Variants in GADD45B observed in about 807,000 individuals in gnomAD.
The protein encoded by GADD45B is growth arrest and DNA damage-inducible protein GADD45 beta.
A neutral mutation model predicts 15.2 loss-of-function variants in GADD45B; 8 were observed. The observed-to-expected ratio is 0.53, with a 90% CI of 0.31 to 0.95. The LOEUF is 0.95. Ranked by LOEUF, GADD45B falls within the 40% of genes least tolerant of loss-of-function variation. GADD45B has a pLI of 0.05. For synonymous variants in GADD45B, 100 were observed against 89.8 expected (o/e 1.11, Z -0.64); for missense variants, 162 against 216.6 (o/e 0.75, Z 1.58).
At chr19:2,476,437 C>CGGGGA in intron 1 of GADD45B, 35 bp downstream of exon 1, 1 of 1,609,958 alleles carries the variant, frequency 6.2e-7, no homozygotes. Context: ...CTGAGGTCAG[C>CGGGGA]CGGGACGGGA....
intron 2 of GADD45B, 173 bp from the exon 3 acceptor site, chr19:2,476,856 C>T: frequency 1.6e-6 from 1 of 615,970 alleles, no homozygotes; most frequent in Non-Finnish European, 2.9e-6. Flanking sequence ...CTACCCCATA[C>T]TTTGAACCGT....
In GADD45B at chr19:2,477,054, C is replaced by G. The variant is rs777718482; in HGVS notation, c.172C>G (p.Leu58Val). The G allele has an allele frequency of 6.2e-7, 1 of 1,613,822 alleles. No homozygotes were observed. Among genetic ancestry groups the G allele is most frequent in the South Asian group, 1.1e-5 (1 of 91,082 alleles). Residue 58 changes from leucine (L) to valine (V), a missense_variant, in exon 3 of 4, where the codon CTC becomes GTC. Coordinates refer to ENST00000215631, the MANE Select transcript of GADD45B (RefSeq NM_015675.4). The surrounding 1 kb of genome is among the most constrained non-coding windows in gnomAD (Gnocchi z 4.2). The stretch of plus-strand genomic sequence containing the variant: ...GGACCCAGACAGCGTGGTCCTCTGC[C>G]TCTTGGCCATTGACGAGGAGGAGGA... ...NVDPDSVVLC[L>V]LAIDEEEEDD...
At position 2,477,185 on chromosome 19, in the gene GADD45B, C is replaced by A. The variant is rs1972329229; in HGVS notation, c.303C>A (p.Leu101=). The change falls in exon 3 of 4, where the codon CTC becomes CTA. Residue 101 remains leucine (L), a synonymous_variant. Coordinates refer to ENST00000215631, the MANE Select transcript of GADD45B (RefSeq NM_015675.4). The surrounding 1 kb of genome is among the most constrained non-coding windows in gnomAD (Gnocchi z 4.2). The stretch of plus-strand genomic sequence containing the variant: ...CGGGCATGCAGCGCCTGGCGCAGCT[C>A]CTGGGAGAGCCGGCCGAGACCCAGG... ...RVSGMQRLAQ[L]LGEPAETQGT... 2 of 1,611,420 alleles carry A rather than the reference C, an allele frequency of 1.2e-6. No individual in the cohort carries two copies. The highest frequency in any genetic ancestry group is 2.7e-5 in the African/African-American group (2 of 74,930).
chr19:2,476,881 C>T, intron 2 of GADD45B, 148 bp from the exon 3 acceptor site: 1 of 627,836 alleles, frequency 1.6e-6, no homozygotes, highest in South Asian at 1.9e-5. Context: ...CCTCCCCTCC[C>T]CCCACCGTCA....
rs752712882 is a variant in GADD45B, at chr19:2,476,329, G to A, written c.-30G>A. 1.2e-6 allele frequency: 2 copies of A among 1,612,216 alleles called. No individual in the cohort carries two copies. Among genetic ancestry groups the A allele is most frequent in the Non-Finnish European group, 1.7e-6 (2 of 1,178,568 alleles). On this transcript the variant is annotated 5_prime_UTR_variant, in exon 1 of 4. Transcript: ENST00000215631. The stretch of plus-strand genomic sequence containing the variant: ...ATTTCTCCCTGGGGACTGCCGTGGA[G>A]CCGCATCCACTGTGGATTATAATTG...
Position 2,476,248 on chromosome 19 carries a change from G to A in GADD45B, c.-111G>A. On this transcript the variant is annotated 5_prime_UTR_variant, in exon 1 of 4. Coordinates refer to ENST00000215631, the MANE Select transcript of GADD45B (RefSeq NM_015675.4). Reference sequence around the variant, plus strand: ...GATTTCGCTGCTTCCCGAAGGTCTTGGACGAGCGCTCTAGCTCTGTGGGAA... The same window carrying A: ...GATTTCGCTGCTTCCCGAAGGTCTTAGACGAGCGCTCTAGCTCTGTGGGAA... 1 of 998,334 alleles carries A rather than the reference G, an allele frequency of 1.0e-6. No homozygotes were observed. Among genetic ancestry groups the A allele is most frequent in the Non-Finnish European group, 1.6e-6 (1 of 624,334 alleles). 61.8% of individuals were successfully genotyped at this position (998,334 alleles called of 1,614,324 possible).
In GADD45B at chr19:2,476,383, T is replaced by A. The variant is rs2144694853; in HGVS notation, c.25T>A (p.Cys9Ser). 6.2e-7 allele frequency: 1 copy of A among 1,613,436 alleles called. No homozygotes were observed. Among genetic ancestry groups the A allele is most frequent in the Non-Finnish European group, 8.5e-7 (1 of 1,179,916 alleles). The change falls in exon 1 of 4, where the codon TGC becomes AGC. Residue 9 changes from cysteine (C) to serine (S), a missense_variant. By Grantham distance (112) the Cys-to-Ser change is moderately radical. Coordinates refer to ENST00000215631, the MANE Select transcript of GADD45B (RefSeq NM_015675.4). MTLEELVA[C>S]DNAAQKMQTV... ...CATGACGCTGGAAGAGCTCGTGGCGTGCGACAACGCGGCGCAGAAGTAAGT... is the reference window on the plus strand; with the variant it reads ...CATGACGCTGGAAGAGCTCGTGGCGAGCGACAACGCGGCGCAGAAGTAAGT...
At chr19:2,476,693 C>A in intron 2 of GADD45B, 63 bp downstream of exon 2, 1 of 974,748 alleles carries the variant, frequency 1.0e-6, no homozygotes, top group Non-Finnish European at 1.5e-6. Context: ...CCGCTCTGGA[C>A]GCTTTCCGCA....
chr19:2,476,315 G>A lies in GADD45B; in HGVS notation c.-44G>A. On this transcript the variant is annotated 5_prime_UTR_variant, in exon 1 of 4. Transcript: ENST00000215631. ...GCTCGGATTTTGCAATTTCTCCCTGGGGACTGCCGTGGAGCCGCATCCACT... is the reference window on the plus strand; with the variant it reads ...GCTCGGATTTTGCAATTTCTCCCTGAGGACTGCCGTGGAGCCGCATCCACT... The A allele has an allele frequency of 1.2e-6, 2 of 1,604,428 alleles. No homozygotes were observed. The highest frequency in any genetic ancestry group is 1.7e-6 in the Non-Finnish European group (2 of 1,171,626).
At chr19:2,476,990 G>A (rs1277077682) in intron 2 of GADD45B, 39 bp from the exon 3 acceptor site, 3 of 1,419,388 alleles carry the variant, frequency 2.1e-6, no homozygotes, top group Non-Finnish European at 3.0e-6. Context: ...CCCCTCCCCT[G>A]TCCCCGGCTG....
chr19:2,477,121 C>A lies in GADD45B; in HGVS notation c.239C>A (p.Ser80Tyr). Reference sequence around the variant, plus strand: ...CAAATCCACTTCACGCTCATCCAGTCCTTCTGCTGTGACAACGACATCAAC... The same window carrying A: ...CAAATCCACTTCACGCTCATCCAGTACTTCTGCTGTGACAACGACATCAAC... The part of the protein sequence containing the change: ...ALQIHFTLIQ[S>Y]FCCDNDINIV... The change falls in exon 3 of 4, where the codon TCC becomes TAC. Residue 80 changes from serine (S) to tyrosine (Y), a missense_variant. Coordinates refer to ENST00000215631, the MANE Select transcript of GADD45B (RefSeq NM_015675.4). This position sits in a 1 kb window ranked among gnomAD's most constrained non-coding sequence, Gnocchi z 4.2. 1 of 1,613,882 alleles carries A rather than the reference C, an allele frequency of 6.2e-7. No individual in the cohort carries two copies. Among genetic ancestry groups the A allele is most frequent in the Non-Finnish European group, 8.5e-7 (1 of 1,179,864 alleles).
rs780783490 is a variant in GADD45B at position 2,477,172 on chromosome 19, G to T, written c.290G>T (p.Arg97Leu). The stretch of plus-strand genomic sequence containing the variant: ...ATCGTGCGGGTGTCGGGCATGCAGC[G>T]CCTGGCGCAGCTCCTGGGAGAGCCG... ...INIVRVSGMQRLAQLLGEPAE... is the reference protein window; with the variant it reads ...INIVRVSGMQLLAQLLGEPAE... Residue 97 changes from arginine to leucine, a missense_variant, in exon 3 of 4, where the codon CGC becomes CTC. Physicochemically the swap from Arg to Leu is moderately radical, Grantham distance 102. Coordinates refer to ENST00000215631, the MANE Select transcript of GADD45B (RefSeq NM_015675.4). The surrounding 1 kb of genome is among the most constrained non-coding windows in gnomAD (Gnocchi z 4.2). 1.2e-6 allele frequency: 2 copies of T among 1,612,814 alleles called. No homozygotes were observed. Among genetic ancestry groups the T allele is most frequent in the Non-Finnish European group, 8.5e-7 (1 of 1,179,912 alleles).
At position 2,476,168 on chromosome 19, in the gene GADD45B, C is replaced by A. The variant is rs1382342009; in HGVS notation, c.-191C>A. ...GGACTACCGTTGGTTTCCGCAACTT[C>A]CTGGATTATCCTCGCCAAGGACTTT... On this transcript the variant is annotated 5_prime_UTR_variant, in exon 1 of 4. Transcript: ENST00000215631. The A allele has an allele frequency of 1.6e-6, 1 of 640,244 alleles. No individual in the cohort carries two copies. Among genetic ancestry groups the A allele is most frequent in the African/African-American group, 1.8e-5 (1 of 54,824 alleles). The allele number at this position is 640,244 out of a possible 1,614,324, so 39.7% of individuals were successfully genotyped here. A position where few individuals can be genotyped will look rare whatever the true frequency, so the allele number is the denominator to read the frequency against.
rs1054547054 is a variant in GADD45B, at chr19:2,477,619, G to A, written c.*18G>A. ...AACGCTGAGGCCCTTCCCAGCAGCA[G>A]AATCTGTTGAGTTGCTGCCACAAAC... On this transcript the variant is annotated 3_prime_UTR_variant, in exon 4 of 4. Transcript: ENST00000215631. The surrounding 1 kb of genome is among the most constrained non-coding windows in gnomAD (Gnocchi z 4.2). The A allele has an allele frequency of 1.5e-6, 2 of 1,378,958 alleles. No homozygotes were observed. The highest frequency in any genetic ancestry group is 1.7e-5 in the Admixed American group (1 of 58,640). 85.4% of individuals were successfully genotyped at this position (1,378,958 alleles called of 1,614,324 possible). A position where few individuals can be genotyped will look rare whatever the true frequency, so the allele number is the denominator to read the frequency against.
At chr19:2,476,864 C>G (rs571203018) in intron 2 of GADD45B, 165 bp from the exon 3 acceptor site, 9 of 617,682 alleles carry the variant, frequency 1.5e-5, no homozygotes, top group East Asian at 8.2e-5. Flanking sequence ...TACTTTGAAC[C>G]GTGTGCCCTC....
chr19:2,476,948 C>CTCCTTTTT, intron 2 of GADD45B, 81 bp from the exon 3 acceptor site: 1 of 879,384 alleles, frequency 1.1e-6, no homozygotes, highest in Admixed American at 2.1e-5. Flanking sequence ...CTCTTGCACG[C>CTCCTTTTT]TCCTTTTTTG....
At position 2,477,340 on chromosome 19, in the gene GADD45B, T is replaced by G. The variant is rs1333784354; in HGVS notation, c.369+89T>G. 1 of 1,052,250 alleles carries G rather than the reference T, an allele frequency of 9.5e-7. No individual in the cohort carries two copies. The highest frequency in any genetic ancestry group is 2.4e-5 in the Admixed American group (1 of 41,456). 65.2% of individuals were successfully genotyped at this position (1,052,250 alleles called of 1,614,324 possible). On this transcript the variant is annotated intron_variant, in intron 3 of 3. Coordinates refer to ENST00000215631, the MANE Select transcript of GADD45B (RefSeq NM_015675.4). The surrounding 1 kb of genome is among the most constrained non-coding windows in gnomAD (Gnocchi z 4.2). ...GTCGGGCTGACTGGTCCTGCACAGC[T>G]CAGCGCTCAGCCACGTTTGGCATGT...
Position 2,477,153 on chromosome 19 carries a change from C to T in GADD45B, c.271C>T (p.Arg91Trp), listed in dbSNP as rs754310989. The T allele has an allele frequency of 6.2e-7, 1 of 1,613,562 alleles. No individual in the cohort carries two copies. Among genetic ancestry groups the T allele is most frequent in the Admixed American group, 1.7e-5 (1 of 60,022 alleles). The change falls in exon 3 of 4, where the codon CGG becomes TGG. Residue 91 changes from arginine (R) to tryptophan (W), a missense_variant. Transcript: ENST00000215631. The surrounding 1 kb of genome is among the most constrained non-coding windows in gnomAD (Gnocchi z 4.2). ...CTGTGACAACGACATCAACATCGTG[C>T]GGGTGTCGGGCATGCAGCGCCTGGC... ...FCCDNDINIV[R>W]VSGMQRLAQL...
rs1478757278 is a variant in GADD45B at position 2,477,071 on chromosome 19, G to C, written c.189G>C (p.Glu63Asp). Reference sequence around the variant, plus strand: ...TCCTCTGCCTCTTGGCCATTGACGAGGAGGAGGAGGATGACATCGCCCTGC... The same window carrying C: ...TCCTCTGCCTCTTGGCCATTGACGACGAGGAGGAGGATGACATCGCCCTGC... ...SVVLCLLAID[E>D]EEEDDIALQI... The change falls in exon 3 of 4, where the codon GAG becomes GAC. Residue 63 changes from glutamate to aspartate, a missense_variant. Transcript: ENST00000215631. This position sits in a 1 kb window ranked among gnomAD's most constrained non-coding sequence, Gnocchi z 4.2. 4 of 1,605,912 alleles carry C rather than the reference G, an allele frequency of 2.5e-6. No individual in the cohort carries two copies. Among genetic ancestry groups the C allele is most frequent in the Middle Eastern group, 1.7e-4 (1 of 6,050 alleles).
Sources: gnomAD v4.1 joint callset for allele counts on GRCh38, gnomAD v4.1.1 for gene constraint, Gnocchi (gnomAD v3.1) non-coding constraint, MANE v1.5 for transcripts, NCBI Gene and HGNC (gene_info 2026-07-23, HGNC 2026-07-21) for gene names.